NKAIN3: variants seen among roughly 807,000 people sequenced by gnomAD.
NKAIN3 encodes sodium/potassium transporting ATPase interacting 3, also known as sodium/potassium-transporting ATPase subunit beta-1-interacting protein 3.
In NKAIN3, 25 loss-of-function variants were observed where a neutral mutation model predicts 30.2. The ratio of observed to expected loss-of-function variants is 0.83; its 90% confidence interval spans 0.60 to 1.16. The LOEUF (loss-of-function observed/expected upper bound fraction) is 1.16, where lower values mean the gene tolerates loss of function less well. NKAIN3 is among the 50% of genes most tolerant of loss of function. The pLI is 0.00. For missense variants in NKAIN3, 225 were observed against 254.1 expected, an observed-to-expected ratio of 0.89 and a Z score of 0.78; for synonymous variants, 91 against 89.6, an observed-to-expected ratio of 1.02 and a Z score of -0.09.
At chr8:62,936,204 A>G (rs1822783041) in intron 5 of NKAIN3, among the ~76,000 whole-genome samples, 1 of 152,148 alleles carries the variant, frequency 6.6e-6, no homozygotes, top group Non-Finnish European at 1.5e-5. Flanking sequence ...ATCAAGTGCA[A>G]GCACAGGGAC....
At chr8:62,860,365 A>T (rs189740865) in intron 4 of NKAIN3, among the ~76,000 whole-genome samples, 183 of 152,322 alleles carry the variant, frequency 1.2e-3, no homozygotes, top group African/African-American at 4.3e-3. Context: ...CCTTTCTTGC[A>T]TGTAAAATGA....
chr8:62,345,216 T>C (rs924523551), intron 1 of NKAIN3, among the ~76,000 whole-genome samples: 2 of 151,068 alleles, frequency 1.3e-5, no homozygotes, highest in Non-Finnish European at 3.0e-5. Flanking sequence ...GTGGTGGCCA[T>C]GGTGACACAG....
chr8:62,593,995 G>T (rs1176727225), intron 3 of NKAIN3, among the ~76,000 whole-genome samples: 2 of 151,888 alleles, frequency 1.3e-5, no homozygotes, highest in Non-Finnish European at 2.9e-5. Context: ...TAACTCCCTT[G>T]GCTATTGTTA....
intron 4 of NKAIN3, chr8:62,855,456 T>C (rs2017227): frequency 0.76 from 954,367 of 1,260,564 alleles, 367,857 homozygotes; most frequent in Non-Finnish European, 0.8. Context: ...TTGGGTCTTT[T>C]GCTTCCAAAA....
chr8:62,533,740 C>T (rs1169503213), intron 1 of NKAIN3, among the ~76,000 whole-genome samples: 1 of 152,048 alleles, frequency 6.6e-6, no homozygotes, highest in Non-Finnish European at 1.5e-5. Context: ...ATAAATTGGT[C>T]GTTTGTGTTA....
At chr8:62,278,500 G>T (rs1813043834) in intron 1 of NKAIN3, among the ~76,000 whole-genome samples, 1 of 151,896 alleles carries the variant, frequency 6.6e-6, no homozygotes, top group South Asian at 2.1e-4. Context: ...TTTACATTAG[G>T]TATATCTCCT....
intron 4 of NKAIN3, among the ~76,000 whole-genome samples, chr8:62,908,036 T>A (rs1821831650): frequency 6.6e-6 from 1 of 152,168 alleles, no homozygotes; most frequent in Admixed American, 6.5e-5. Flanking sequence ...GCAGCCAGGA[T>A]GGGGGTGATA....
chr8:62,684,789 A>T (rs1048466984), intron 3 of NKAIN3, among the ~76,000 whole-genome samples: 5 of 152,170 alleles, frequency 3.3e-5, no homozygotes, highest in Non-Finnish European at 7.3e-5. Flanking sequence ...TGATGCCCTT[A>T]TGAGAAAAGG....
At chr8:62,418,732 A>G (rs1041127371) in intron 1 of NKAIN3, among the ~76,000 whole-genome samples, 8 of 152,198 alleles carry the variant, frequency 5.3e-5, no homozygotes, top group African/African-American at 1.9e-4. Context: ...AGCATCAAGT[A>G]CTGTCGCTTT....
intron 4 of NKAIN3, among the ~76,000 whole-genome samples, chr8:62,807,621 C>T (rs1240131608): frequency 6.8e-6 from 1 of 146,006 alleles, no homozygotes; most frequent in Non-Finnish European, 1.5e-5. Flanking sequence ...GGCTCGATCT[C>T]GGCTCACTGC....
chr8:62,962,298 T>C (rs2130906057), intron 6 of NKAIN3, among the ~76,000 whole-genome samples: 1 of 152,334 alleles, frequency 6.6e-6, no homozygotes, highest in South Asian at 2.1e-4. Flanking sequence ...TACCTTGTTA[T>C]TAGTGAAAAT....
chr8:62,496,818 T>C (rs1807255828), intron 1 of NKAIN3, among the ~76,000 whole-genome samples: 1 of 152,170 alleles, frequency 6.6e-6, no homozygotes, highest in Non-Finnish European at 1.5e-5. Context: ...AGCAGAGGTT[T>C]CATTTCTTCT....
rs534003910 is a variant in NKAIN3 at position 62,549,564 on chromosome 8, CT to C, written c.55-29974del. The stretch of plus-strand genomic sequence containing the variant: ...CCTGAGAAGTAAAGAAATAGTCTGC[CT>C]AGAAATTTGACAACAGGAGTCCTTG... On this transcript the variant is annotated intron_variant, in intron 1 of 6. Transcript: ENST00000623646. Among the ~76,000 whole-genome samples, 247 of 152,062 alleles carry C rather than the reference CT, an allele frequency of 1.6e-3. 2 individuals carry two copies. The highest frequency in any genetic ancestry group is 3.0e-3 in the Non-Finnish European group (202 of 67,990).
chr8:62,384,830 C>T (rs1284590492), intron 1 of NKAIN3, among the ~76,000 whole-genome samples: 1 of 152,086 alleles, frequency 6.6e-6, no homozygotes, highest in East Asian at 1.9e-4. Context: ...CAAAGGATGA[C>T]CTCAGGGGTA....
At chr8:62,290,135 A>AT (rs1259297019) in intron 1 of NKAIN3, among the ~76,000 whole-genome samples, 1 of 152,058 alleles carries the variant, frequency 6.6e-6, no homozygotes, top group Non-Finnish European at 1.5e-5. Context: ...GCTTAAGGAG[A>AT]TTTTGGGCTG....
chr8:62,256,794 C>G (rs1043842585), intron 1 of NKAIN3, among the ~76,000 whole-genome samples: 1 of 152,160 alleles, frequency 6.6e-6, no homozygotes, highest in Non-Finnish European at 1.5e-5. Context: ...GTAAAGATCA[C>G]TTTGCTTTTA....
At position 62,252,311 on chromosome 8, in the gene NKAIN3, A is replaced by G. The variant is rs537198248; in HGVS notation, c.54+3184A>G. On this transcript the variant is annotated intron_variant, in intron 1 of 6. Transcript: ENST00000623646. ...GCTTAACTGGGAGGTCATCACATAG[A>G]TGATACATTAGTTCCTCCTAAAAGT... Among the ~76,000 whole-genome samples the G allele has an allele frequency of 2.0e-5, 3 of 152,346 alleles. No individual in the cohort carries two copies. In the South Asian group the frequency reaches 6.2e-4, roughly 32 times the overall value.
chr8:62,808,968 A>G (rs1432270801), intron 4 of NKAIN3, among the ~76,000 whole-genome samples: 1 of 152,110 alleles, frequency 6.6e-6, no homozygotes, highest in Non-Finnish European at 1.5e-5. Flanking sequence ...GCAACTGTAT[A>G]AGACGGACAG....
At chr8:62,408,936 G>A (rs1246909596) in intron 1 of NKAIN3, among the ~76,000 whole-genome samples, 3 of 152,114 alleles carry the variant, frequency 2.0e-5, no homozygotes, top group Non-Finnish European at 4.4e-5. Flanking sequence ...TTTATTTTGA[G>A]TTTGTCAAGA....
Sources: allele counts gnomAD v4.1 joint callset (sites outside exome capture counted in the v4.1 genomes callset), GRCh38; gene constraint gnomAD v4.1.1; transcripts MANE v1.5; gene names NCBI Gene and HGNC (gene_info 2026-07-23, HGNC 2026-07-21).